UNC13B: variants seen among roughly 807,000 people sequenced by gnomAD.
UNC13B encodes the protein unc-13 homolog B, also known as protein unc-13 homolog B.
Under a neutral mutation model 211.0 loss-of-function variants are expected in UNC13B, and 144 were observed. The ratio of observed to expected loss-of-function variants is 0.68; its 90% confidence interval spans 0.60 to 0.78. UNC13B has a LOEUF of 0.78. UNC13B is among the 30% of genes least tolerant of loss of function. The probability of loss-of-function intolerance (pLI) is 0.00; values close to 1 mark genes in which losing one functional copy is unlikely to be tolerated. For synonymous variants in UNC13B, 709 were observed against 725.8 expected (o/e 0.98, Z 0.37); for missense variants, 1,777 against 2,002.0 (o/e 0.89, Z 2.14).
At chr9:35,222,916 A>C (rs533722167) in intron 1 of UNC13B, among the ~76,000 whole-genome samples, 1 of 151,940 alleles carries the variant, frequency 6.6e-6, no homozygotes, top group Non-Finnish European at 1.5e-5. Context: ...GATCTCCTTT[A>C]TTTTAGCTCT....
chr9:35,205,415 A>G (rs1249600040), intron 1 of UNC13B, among the ~76,000 whole-genome samples: 2 of 152,224 alleles, frequency 1.3e-5, no homozygotes, highest in African/African-American at 2.4e-5. Flanking sequence ...TCATCCCTTT[A>G]AAGTATAAAT....
In UNC13B at chr9:35,302,443, G is replaced by A; in HGVS notation, c.3039G>A (p.Gln1013=). 5.0e-6 allele frequency: 2 copies of A among 398,164 alleles called. No homozygotes were observed. The highest frequency in any genetic ancestry group is 2.1e-5 in the African/African-American group (1 of 48,568). The allele number at this position is 398,164 out of a possible 1,614,324, so 24.7% of individuals were successfully genotyped here. The change falls in exon 9 of 40, where the codon CAG becomes CAA. Residue 1013 remains glutamine (Q), a synonymous_variant. Transcript: ENST00000635942. ...AATCTGGTTCAGCTCCAAATACTCAGGATAATCTAGGGAAATTTGACAGTA... is the reference window on the plus strand; with the variant it reads ...AATCTGGTTCAGCTCCAAATACTCAAGATAATCTAGGGAAATTTGACAGTA... ...SIKSGSAPNT[Q]DNLGKFDSTE...
At chr9:35,241,214 G>A (rs779907843) in intron 5 of UNC13B, among the ~76,000 whole-genome samples, 3 of 152,032 alleles carry the variant, frequency 2.0e-5, no homozygotes, top group Admixed American at 6.6e-5. Flanking sequence ...TTAGAGATAA[G>A]CAAACTATGG....
At chr9:35,164,875 G>A (rs1278274179) in intron 1 of UNC13B, among the ~76,000 whole-genome samples, 2 of 152,210 alleles carry the variant, frequency 1.3e-5, no homozygotes, top group Non-Finnish European at 2.9e-5. Context: ...TCTGAACAGT[G>A]CCACTAGTTT....
intron 1 of UNC13B, among the ~76,000 whole-genome samples, chr9:35,179,924 G>A (rs1564049656): frequency 6.6e-6 from 1 of 152,226 alleles, no homozygotes; most frequent in Non-Finnish European, 1.5e-5. Context: ...GACTGTAAGA[G>A]TCAGTTGCCT....
chr9:35,362,757 A>T (rs1833506326), intron 11 of UNC13B, among the ~76,000 whole-genome samples: 1 of 147,712 alleles, frequency 6.8e-6, no homozygotes, highest in Non-Finnish European at 1.5e-5. Context: ...CCGAGATCGC[A>T]CCACTGCACT....
At chr9:35,186,460 T>G (rs551156723) in intron 1 of UNC13B, among the ~76,000 whole-genome samples, 1 of 152,342 alleles carries the variant, frequency 6.6e-6, no homozygotes, top group South Asian at 2.1e-4. Flanking sequence ...AGAATCTGTG[T>G]TGTCTGCGGT....
At chr9:35,202,421 A>G (rs984644524) in intron 1 of UNC13B, among the ~76,000 whole-genome samples, 12 of 152,274 alleles carry the variant, frequency 7.9e-5, no homozygotes, top group African/African-American at 2.4e-4. Context: ...TTTCTGTCTC[A>G]TTGAGCTGTC....
At chr9:35,172,427 C>T (rs1347761628) in intron 1 of UNC13B, among the ~76,000 whole-genome samples, 1 of 152,086 alleles carries the variant, frequency 6.6e-6, no homozygotes, top group Non-Finnish European at 1.5e-5. Context: ...ATTTATCCAA[C>T]TGTATTTTTG....
At chr9:35,187,921 GTTTCCAA>G (rs540520303) in intron 1 of UNC13B, among the ~76,000 whole-genome samples, 127 of 152,314 alleles carry the variant, frequency 8.3e-4, no homozygotes, top group Admixed American at 2.6e-3. Context: ...TCCTTAAATA[GTTTCCAA>G]ATTCTAGAGG....
intron 7 of UNC13B, among the ~76,000 whole-genome samples, chr9:35,275,410 G>A (rs986801806): frequency 1.3e-5 from 2 of 152,152 alleles, no homozygotes; most frequent in African/African-American, 4.8e-5. Flanking sequence ...ATTAAAGGGA[G>A]TATAGTAAAA....
chr9:35,287,596 G>T (rs1828871355), intron 7 of UNC13B, among the ~76,000 whole-genome samples: 1 of 151,640 alleles, frequency 6.6e-6, no homozygotes, highest in Admixed American at 6.6e-5. Context: ...TGTTCCTTAG[G>T]GTTCCCCCAC....
intron 6 of UNC13B, among the ~76,000 whole-genome samples, chr9:35,256,423 G>A (rs1303089992): frequency 2.0e-5 from 3 of 152,240 alleles, no homozygotes; most frequent in African/African-American, 7.2e-5. Flanking sequence ...TCTTCTGACT[G>A]TAAGGGGACT....
chr9:35,298,518 C>G (rs1166201475), intron 8 of UNC13B, among the ~76,000 whole-genome samples: 1 of 151,236 alleles, frequency 6.6e-6, no homozygotes, highest in Non-Finnish European at 1.5e-5. Flanking sequence ...CAGGGTCTTG[C>G]GTTGTTGCTC....
In UNC13B at chr9:35,237,817, T is replaced by C. The variant is rs1435394601; in HGVS notation, c.385T>C (p.Leu129=). The C allele has an allele frequency of 6.2e-7, 1 of 1,612,006 alleles. No homozygotes were observed. Among genetic ancestry groups the C allele is most frequent in the Non-Finnish European group, 8.5e-7 (1 of 1,179,494 alleles). ...AATTTTGCTTGATACAAGATTTGAG[T>C]TGCCTTTTGGTGAGTAAAATTTTAA... is the stretch of plus-strand genomic sequence containing the variant. The part of the protein sequence containing the change: ...HKILLDTRFE[L]PFDIPEEEAR... Residue 129 remains leucine, a synonymous_variant, in exon 5 of 40, where the codon TTG becomes CTG. Coordinates refer to ENST00000635942, the MANE Select transcript of UNC13B (RefSeq NM_001371189.2).
intron 11 of UNC13B, chr9:35,342,154 C>T: frequency 2.0e-6 from 2 of 985,434 alleles, no homozygotes; most frequent in Non-Finnish European, 2.4e-6. Flanking sequence ...CTCCTTGGGT[C>T]TGTTTGTCGG....
At position 35,336,637 on chromosome 9, in the gene UNC13B, G is replaced by A. The variant is rs560472556; in HGVS notation, c.9414+22648G>A. Among the ~76,000 whole-genome samples the A allele has an allele frequency of 2.0e-5, 3 of 152,220 alleles. No individual in the cohort carries two copies. In the East Asian group the frequency reaches 5.8e-4, roughly 29 times the overall value. On this transcript the variant is annotated intron_variant, in intron 11 of 39. Transcript: ENST00000635942. The stretch of plus-strand genomic sequence containing the variant: ...TCTTCCCACCTCAGCTTCCCAAGTA[G>A]CTGGTGGAAGGGGCAAAAGAACTCC...
chr9:35,174,145 T>TCC (rs1821483622), intron 1 of UNC13B, among the ~76,000 whole-genome samples: 1 of 151,826 alleles, frequency 6.6e-6, no homozygotes, highest in South Asian at 2.1e-4. Context: ...TCTCTCTCTC[T>TCC]CTCTTTTTTT....
Position 35,400,408 on chromosome 9 carries a change from TCATCAAGACCTTTGTGCGCTCG to T in UNC13B, c.12452_12473del (p.Ile4151ArgfsTer34). The T allele has an allele frequency of 6.2e-7, 1 of 1,613,932 alleles. No homozygotes were observed. The highest frequency in any genetic ancestry group is 8.5e-7 in the Non-Finnish European group (1 of 1,179,896). On this transcript the variant is annotated frameshift_variant, in exon 37 of 40. Coordinates refer to ENST00000635942, the MANE Select transcript of UNC13B (RefSeq NM_001371189.2). LOFTEE classifies it high-confidence loss of function. ...CTGTACACACAGACTACTGACACTC[TCATCAAGACCTTTGTGCGCTCG>T]CAGACCACCCAAGGTAAGGCCCTGA...
Sources: allele counts gnomAD v4.1 joint callset (sites outside exome capture counted in the v4.1 genomes callset), GRCh38; gene constraint gnomAD v4.1.1; transcripts MANE v1.5; gene names NCBI Gene and HGNC (gene_info 2026-07-23, HGNC 2026-07-21).